The following CTNNA3 variants were observed in gnomAD, a reference collection of about 807,000 sequenced individuals.
The protein encoded by CTNNA3 is catenin alpha-3.
A neutral mutation model predicts 95.7 loss-of-function variants in CTNNA3; 76 were observed. The observed-to-expected ratio is 0.79, with a 90% CI of 0.66 to 0.96. The LOEUF is 0.96. Ranked by LOEUF, CTNNA3 falls within the 40% of genes least tolerant of loss-of-function variation. The pLI, the probability that CTNNA3 is intolerant of heterozygous loss-of-function variation, is 0.00. For synonymous variants in CTNNA3, 431 were observed against 374.4 expected (o/e 1.15, Z -1.74); for missense variants, 1,191 against 1,089.8 (o/e 1.09, Z -1.31).
chr10:67,303,646 A>C (rs778577998), intron 5 of CTNNA3, among the ~76,000 whole-genome samples: 1 of 152,256 alleles, frequency 6.6e-6, no homozygotes, highest in South Asian at 2.1e-4. Flanking sequence ...ACTAGATTCC[A>C]ATAAGAAAGT....
At chr10:65,957,534 T>C (rs1327317192) in intron 17 of CTNNA3, among the ~76,000 whole-genome samples, 1 of 152,218 alleles carries the variant, frequency 6.6e-6, no homozygotes, top group African/African-American at 2.4e-5. Context: ...GTACCGGTTG[T>C]TCCTTTCCAT....
chr10:67,751,131 G>C, intron 1 of CTNNA3: 3 of 1,344,258 alleles, frequency 2.2e-6, no homozygotes, highest in Non-Finnish European at 3.2e-6. Flanking sequence ...ATTGAATGAT[G>C]AGGAGATGGC....
intron 13 of CTNNA3, among the ~76,000 whole-genome samples, chr10:66,122,918 T>G (rs2082645299): frequency 6.6e-6 from 1 of 152,076 alleles, no homozygotes; most frequent in Non-Finnish European, 1.5e-5. Context: ...TCTCACCAGG[T>G]TCCTCCCATG....
chr10:66,016,461 A>G (rs1050382601), intron 15 of CTNNA3, among the ~76,000 whole-genome samples: 16 of 152,176 alleles, frequency 1.1e-4, no homozygotes, highest in African/African-American at 3.9e-4. Context: ...TAATCTATCT[A>G]TCCCAGAGAA....
intron 15 of CTNNA3, among the ~76,000 whole-genome samples, chr10:66,059,375 TAG>T (rs1259573010): frequency 1.3e-5 from 2 of 152,142 alleles, no homozygotes; most frequent in East Asian, 3.9e-4. Context: ...AACAAACTAA[TAG>T]ACTTCATTCA....
chr10:66,217,944 T>C (rs2131970140), intron 13 of CTNNA3, among the ~76,000 whole-genome samples: 1 of 142,812 alleles, frequency 7.0e-6, no homozygotes, highest in African/African-American at 2.6e-5. Flanking sequence ...TTCTGAATAA[T>C]GCCCACCTGC....
intron 7 of CTNNA3, among the ~76,000 whole-genome samples, chr10:66,985,869 A>G (rs539329042): frequency 5.8e-4 from 88 of 152,124 alleles, no homozygotes; most frequent in African/African-American, 2.1e-3. Context: ...CTGGGATTAC[A>G]GGTGCTCGCC....
rs139383000 is a variant in CTNNA3, at chr10:67,226,939, A to T, written c.580-7069T>A. On this transcript the variant is annotated intron_variant, in intron 5 of 17. Transcript: ENST00000433211. Reference sequence around the variant, plus strand: ...GGCTTAAATGCTCGACTTAAAAGATACAGAACCACAGAATGCAGAAGAACT... The same window carrying T: ...GGCTTAAATGCTCGACTTAAAAGATTCAGAACCACAGAATGCAGAAGAACT... Among the ~76,000 whole-genome samples the T allele has an allele frequency of 2.9e-3, 444 of 152,334 alleles. 2 individuals carry two copies. The highest frequency in any genetic ancestry group is 9.8e-3 in the African/African-American group (408 of 41,566).
At chr10:67,625,830 G>A (rs904747120) in intron 2 of CTNNA3, among the ~76,000 whole-genome samples, 5 of 152,042 alleles carry the variant, frequency 3.3e-5, no homozygotes, top group Non-Finnish European at 7.4e-5. Context: ...TTCTAGTCAG[G>A]GAACCAGCCC....
At chr10:66,956,245 T>A (rs1009356102) in intron 7 of CTNNA3, among the ~76,000 whole-genome samples, 1 of 151,238 alleles carries the variant, frequency 6.6e-6, no homozygotes, top group African/African-American at 2.4e-5. Flanking sequence ...AAATCTAGGA[T>A]GCGTTTCAAT....
intron 5 of CTNNA3, among the ~76,000 whole-genome samples, chr10:67,239,878 A>G (rs1341194685): frequency 6.6e-6 from 1 of 152,142 alleles, no homozygotes; most frequent in African/African-American, 2.4e-5. Context: ...AAGAAAAAAA[A>G]GTCTGAAATA....
At chr10:66,076,549 T>A (rs1331656492) in intron 14 of CTNNA3, among the ~76,000 whole-genome samples, 1 of 151,694 alleles carries the variant, frequency 6.6e-6, no homozygotes, top group African/African-American at 2.4e-5. Context: ...ATATATTTGC[T>A]TTAATTAGCT....
intron 7 of CTNNA3, among the ~76,000 whole-genome samples, chr10:67,083,995 G>C (rs1270162837): frequency 6.6e-6 from 1 of 152,124 alleles, no homozygotes; most frequent in African/African-American, 2.4e-5. Context: ...GGTTTCCAAG[G>C]TCAATGCCAG....
chr10:66,315,697 T>C (rs114906787), intron 12 of CTNNA3, among the ~76,000 whole-genome samples: 1,768 of 152,190 alleles, frequency 0.012, 31 homozygotes, highest in African/African-American at 0.041. Flanking sequence ...AGGCAATATG[T>C]TAAAAATTTC....
At chr10:67,229,888 C>T (rs1335518273) in intron 5 of CTNNA3, among the ~76,000 whole-genome samples, 1 of 152,176 alleles carries the variant, frequency 6.6e-6, no homozygotes, top group Non-Finnish European at 1.5e-5. Flanking sequence ...TGAAAATAAC[C>T]ATGCTGCCAA....
chr10:67,760,842 A>T (rs1841458354), intron 1 of CTNNA3, among the ~76,000 whole-genome samples: 1 of 152,300 alleles, frequency 6.6e-6, no homozygotes, highest in African/African-American at 2.4e-5. Context: ...CATCACCCCC[A>T]GATGGGACTG....
chr10:67,559,214 G>A (rs770095423), intron 3 of CTNNA3, among the ~76,000 whole-genome samples: 11 of 152,226 alleles, frequency 7.2e-5, no homozygotes, highest in African/African-American at 9.6e-5. Flanking sequence ...CCTCACCCCC[G>A]AGCAGCCTAA....
chr10:67,614,935 A>C (rs1051463697), intron 2 of CTNNA3, among the ~76,000 whole-genome samples: 2 of 152,106 alleles, frequency 1.3e-5, no homozygotes, highest in Non-Finnish European at 2.9e-5. Flanking sequence ...TTCCCTGTAC[A>C]TCCTAATCTC....
At chr10:67,353,926 G>A (rs998960448) in intron 5 of CTNNA3, among the ~76,000 whole-genome samples, 1 of 151,994 alleles carries the variant, frequency 6.6e-6, no homozygotes, top group African/African-American at 2.4e-5. Context: ...CTCTAATGAA[G>A]AGACCGAACT....
Sources: gnomAD v4.1 joint callset for allele counts (sites outside exome capture counted in the v4.1 genomes callset) on GRCh38, gnomAD v4.1.1 for gene constraint, MANE v1.5 for transcripts, NCBI Gene and HGNC (gene_info 2026-07-23, HGNC 2026-07-21) for gene names.